SLC39A11: variants seen among roughly 807,000 people sequenced by gnomAD.
The protein encoded by SLC39A11 is zinc transporter ZIP11.
SLC39A11 carries 33 observed loss-of-function variants against 36.1 expected under a neutral mutation model. The observed-to-expected ratio is 0.91, with a 90% CI of 0.69 to 1.22. The LOEUF is 1.22. Ranked by LOEUF, SLC39A11 falls within the 50% of genes most tolerant of loss-of-function variation. SLC39A11 has a pLI of 0.00. For synonymous variants in SLC39A11, 166 were observed against 170.3 expected, an observed-to-expected ratio of 0.97 and a Z score of 0.20; for missense variants, 432 against 430.3, an observed-to-expected ratio of 1.00 and a Z score of -0.03.
At chr17:72,805,047 C>T (rs1307609422) in intron 6 of SLC39A11, among the ~76,000 whole-genome samples, 1 of 152,012 alleles carries the variant, frequency 6.6e-6, no homozygotes. Context: ...TCCCAAGTCC[C>T]CTTCCATCAC....
intron 7 of SLC39A11, among the ~76,000 whole-genome samples, chr17:72,689,808 G>A (rs1241253429): frequency 6.6e-6 from 1 of 152,218 alleles, no homozygotes; most frequent in Non-Finnish European, 1.5e-5. Flanking sequence ...AGAAGACAGG[G>A]TGGCTGCTTA....
chr17:73,070,265 A>G (rs543109533), intron 3 of SLC39A11, among the ~76,000 whole-genome samples: 1 of 152,288 alleles, frequency 6.6e-6, no homozygotes, highest in South Asian at 2.1e-4. Flanking sequence ...AAGTATGACA[A>G]ATGCCCCCAA....
At chr17:72,833,739 C>T (rs1289443474) in intron 6 of SLC39A11, among the ~76,000 whole-genome samples, 1 of 152,114 alleles carries the variant, frequency 6.6e-6, no homozygotes, top group Non-Finnish European at 1.5e-5. Flanking sequence ...AGATGATGAG[C>T]TACTATTTCA....
chr17:72,844,688 C>T (rs1046018513), intron 6 of SLC39A11, among the ~76,000 whole-genome samples: 1 of 152,022 alleles, frequency 6.6e-6, no homozygotes, highest in Non-Finnish European at 1.5e-5. Context: ...AACAAAAAAA[C>T]AAAAAACATT....
intron 7 of SLC39A11, among the ~76,000 whole-genome samples, chr17:72,716,908 A>G (rs1206054413): frequency 1.3e-5 from 2 of 150,452 alleles, no homozygotes; most frequent in Non-Finnish European, 3.0e-5. Flanking sequence ...GGTGGAGGTT[A>G]CAGTGAGCCA....
At chr17:72,749,855 A>G (rs1399535589) in intron 6 of SLC39A11, among the ~76,000 whole-genome samples, 2 of 152,050 alleles carry the variant, frequency 1.3e-5, no homozygotes, top group Non-Finnish European at 2.9e-5. Context: ...GGCTGAAAGC[A>G]CCTCTATGAC....
intron 4 of SLC39A11, among the ~76,000 whole-genome samples, chr17:72,989,564 A>T (rs2089018629): frequency 6.6e-6 from 1 of 152,238 alleles, no homozygotes; most frequent in African/African-American, 2.4e-5. Flanking sequence ...TTTAAAGGGC[A>T]TCTACCGTTC....
chr17:72,902,724 C>G (rs913280771), intron 5 of SLC39A11, among the ~76,000 whole-genome samples: 69 of 152,280 alleles, frequency 4.5e-4, no homozygotes, highest in African/African-American at 1.5e-3. Context: ...GCTTAACATG[C>G]AGCTGGTGGA....
intron 7 of SLC39A11, among the ~76,000 whole-genome samples, chr17:72,653,552 G>T (rs2069966406): frequency 6.6e-6 from 1 of 151,546 alleles, no homozygotes; most frequent in Non-Finnish European, 1.5e-5. Flanking sequence ...CGATTCTCCT[G>T]CCTCAGCCTC....
intron 3 of SLC39A11, among the ~76,000 whole-genome samples, chr17:73,033,612 A>C (rs1281969534): frequency 6.6e-6 from 1 of 152,136 alleles, no homozygotes; most frequent in Non-Finnish European, 1.5e-5. Flanking sequence ...TGACCAAACT[A>C]AACACTCATC....
chr17:72,826,146 C>G (rs2078020092), intron 6 of SLC39A11, among the ~76,000 whole-genome samples: 1 of 152,188 alleles, frequency 6.6e-6, no homozygotes, highest in Admixed American at 6.5e-5. Context: ...TGAGAGGTGA[C>G]TGGATCACGA....
At chr17:72,762,822 T>A (rs563467581) in intron 6 of SLC39A11, among the ~76,000 whole-genome samples, 3 of 152,088 alleles carry the variant, frequency 2.0e-5, no homozygotes, top group Non-Finnish European at 4.4e-5. Context: ...CTTTCTCAGC[T>A]CCAGGCAGAC....
chr17:72,949,722 T>C (rs1420560153), intron 4 of SLC39A11, among the ~76,000 whole-genome samples: 1 of 151,688 alleles, frequency 6.6e-6, no homozygotes, highest in South Asian at 2.1e-4. Flanking sequence ...GATCTCAACA[T>C]AGGAATTCTG....
chr17:73,049,885 G>A (rs1048198605), intron 3 of SLC39A11, among the ~76,000 whole-genome samples: 6 of 152,202 alleles, frequency 3.9e-5, no homozygotes, highest in Non-Finnish European at 8.8e-5. Context: ...CACTTCAGCA[G>A]GCTGAGGCAG....
chr17:72,883,933 T>C (rs537838948), intron 5 of SLC39A11, among the ~76,000 whole-genome samples: 47 of 152,264 alleles, frequency 3.1e-4, no homozygotes, highest in Non-Finnish European at 5.9e-4. Context: ...GACAGGTGGA[T>C]TGCTTGAGCT....
chr17:72,859,651 G>A (rs1310477006), intron 5 of SLC39A11, among the ~76,000 whole-genome samples: 3 of 151,416 alleles, frequency 2.0e-5, no homozygotes, highest in Non-Finnish European at 4.4e-5. Context: ...TAAAATCTAT[G>A]CAGGATGTGC....
At chr17:72,983,947 G>C (rs2088522703) in intron 4 of SLC39A11, among the ~76,000 whole-genome samples, 1 of 152,212 alleles carries the variant, frequency 6.6e-6, no homozygotes, top group African/African-American at 2.4e-5. Flanking sequence ...GAATCTAAGA[G>C]CAGGGGCCCT....
At chr17:72,937,313 G>A (rs1567984062) in intron 5 of SLC39A11, among the ~76,000 whole-genome samples, 1 of 152,052 alleles carries the variant, frequency 6.6e-6, no homozygotes, top group African/African-American at 2.4e-5. Flanking sequence ...AAATTAGCTG[G>A]GCATGGTAGC....
chr17:72,892,142 C>T (rs548439684), intron 5 of SLC39A11, among the ~76,000 whole-genome samples: 162 of 152,138 alleles, frequency 1.1e-3, no homozygotes, highest in African/African-American at 3.5e-3. Flanking sequence ...AGAGGCTGGG[C>T]GCAGTGGCTC....
Sources: gnomAD v4.1 joint callset for allele counts (sites outside exome capture counted in the v4.1 genomes callset) on GRCh38, gnomAD v4.1.1 for gene constraint, MANE v1.5 for transcripts, NCBI Gene and HGNC (gene_info 2026-07-23, HGNC 2026-07-21) for gene names.